PAPSS1: variants seen among roughly 807,000 people sequenced by gnomAD.
PAPSS1 encodes 3'-phosphoadenosine 5'-phosphosulfate synthase 1.
Under a neutral mutation model 72.0 loss-of-function variants are expected in PAPSS1, and 50 were observed. That is an observed-to-expected ratio of 0.69 (90% CI 0.55 to 0.88). PAPSS1 has a LOEUF of 0.88. Ranked by LOEUF, PAPSS1 falls within the 40% of genes least tolerant of loss-of-function variation. PAPSS1 has a pLI of 0.00. For missense variants in PAPSS1, 657 were observed against 782.2 expected (o/e 0.84, Z 1.91); for synonymous variants, 261 against 263.6 (o/e 0.99, Z 0.09).
chr4:107,621,936 G>A (rs544514273), intron 11 of PAPSS1, among the ~76,000 whole-genome samples: 9 of 151,952 alleles, frequency 5.9e-5, no homozygotes, highest in Non-Finnish European at 1.3e-4. Flanking sequence ...CCGGAAGACA[G>A]GTTTTTCAGA....
chr4:107,655,537 C>T (rs1726980875), intron 7 of PAPSS1, among the ~76,000 whole-genome samples: 1 of 152,246 alleles, frequency 6.6e-6, no homozygotes, highest in South Asian at 2.1e-4. Flanking sequence ...ACAGTCTCAG[C>T]ATGCAACCTT....
rs150199506 is a variant in PAPSS1 at position 107,635,066 on chromosome 4, A to G, written c.1507-3206T>C. On this transcript the variant is annotated intron_variant, in intron 10 of 11. Transcript: ENST00000265174. ...GCCCGCCTTGGCCTCCCAAAGTGCC[A>G]GGATTACAGGCGTGAGCCACCGCGC... Among the ~76,000 whole-genome samples the G allele has an allele frequency of 2.6e-3, 402 of 152,228 alleles. 1 individual carries two copies. The highest frequency in any genetic ancestry group is 8.3e-3 in the South Asian group (40 of 4,822).
Position 107,654,700 on chromosome 4 carries a change from T to C in PAPSS1, c.1096A>G (p.Ile366Val), listed in dbSNP as rs200136734. The C allele has an allele frequency of 1.9e-6, 3 of 1,612,072 alleles. No homozygotes were observed. The highest frequency in any genetic ancestry group is 4.5e-5 in the East Asian group (2 of 44,866). ...WGTTCKNHPY[I>V]KMVMEQGDWL... ...CAGCGAGGTTTTTTCAGCACCTTAA[T>C]ATAGGGGTGGTTCTTGCATGTCGTT... Residue 366 changes from isoleucine (I) to valine (V), a missense_variant, in exon 8 of 12, where the codon ATT (isoleucine) becomes GTT (valine). This residue lies in a region of PAPSS1 where 190 missense variants were observed against 176.7 expected (regional missense o/e 1.07). Coordinates refer to ENST00000265174, the MANE Select transcript of PAPSS1 (RefSeq NM_005443.5).
rs553797952 is a variant in PAPSS1, at chr4:107,705,026, AATG to A, written c.61-3744_61-3742del. On this transcript the variant is annotated intron_variant, in intron 1 of 11. Coordinates refer to ENST00000265174, the MANE Select transcript of PAPSS1 (RefSeq NM_005443.5). ...AAATAAATCCCACTTGATAAGGAGG[AATG>A]ATCCTTTAATGTGCTATATAATTCA... 4.6e-3 allele frequency among the ~76,000 whole-genome samples: 704 copies of A among 152,022 alleles called. 4 individuals are homozygous for A. The highest frequency in any genetic ancestry group is 0.016 in the African/African-American group (670 of 41,478).
intron 1 of PAPSS1, among the ~76,000 whole-genome samples, chr4:107,710,134 T>C (rs1422419310): frequency 1.3e-5 from 2 of 152,192 alleles, no homozygotes; most frequent in Non-Finnish European, 2.9e-5. Flanking sequence ...TAATGACTCA[T>C]TAAGGGTTGA....
chr4:107,680,797 G>C (rs1038843713), intron 5 of PAPSS1, among the ~76,000 whole-genome samples: 9 of 152,102 alleles, frequency 5.9e-5, no homozygotes, highest in African/African-American at 2.2e-4. Flanking sequence ...GAGTGCAGAA[G>C]TCAGTTAAAA....
intron 5 of PAPSS1, among the ~76,000 whole-genome samples, chr4:107,664,800 A>T (rs1247658746): frequency 6.6e-6 from 1 of 152,258 alleles, no homozygotes; most frequent in Non-Finnish European, 1.5e-5. Flanking sequence ...GTTATTCATA[A>T]TTGAGCATAA....
At chr4:107,677,700 G>T (rs1727692294) in intron 5 of PAPSS1, among the ~76,000 whole-genome samples, 2 of 152,120 alleles carry the variant, frequency 1.3e-5, no homozygotes, top group Admixed American at 1.3e-4. Flanking sequence ...ATACCCAAAG[G>T]ACTATAAATC....
intron 1 of PAPSS1, among the ~76,000 whole-genome samples, chr4:107,715,976 G>A (rs549035121): frequency 6.6e-6 from 1 of 152,346 alleles, no homozygotes; most frequent in South Asian, 2.1e-4. Flanking sequence ...CAGATGGTAA[G>A]TGACAAAACC....
chr4:107,683,553 G>A (rs559891952), intron 4 of PAPSS1, among the ~76,000 whole-genome samples: 1 of 152,186 alleles, frequency 6.6e-6, no homozygotes, highest in Admixed American at 6.5e-5. Context: ...ACAAGCACTG[G>A]GTTAGAAGAG....
Position 107,647,872 on chromosome 4 carries a change from A to G in PAPSS1, c.1238-2802T>C, listed in dbSNP as rs377341872. On this transcript the variant is annotated intron_variant, in intron 9 of 11. Transcript: ENST00000265174. Reference sequence around the variant, plus strand: ...ACACCTGGGTTCAATTACCGCACACATACAGATGGCTTCTCTTAGCCACAT... The same window carrying G: ...ACACCTGGGTTCAATTACCGCACACGTACAGATGGCTTCTCTTAGCCACAT... 5.9e-5 allele frequency among the ~76,000 whole-genome samples: 9 copies of G among 152,272 alleles called. 1 individual carries two copies. The highest frequency in any genetic ancestry group is 5.9e-4 in the Admixed American group (9 of 15,294).
chr4:107,715,152 C>T (rs1162305646), intron 1 of PAPSS1, among the ~76,000 whole-genome samples: 1 of 152,206 alleles, frequency 6.6e-6, no homozygotes, highest in Admixed American at 6.5e-5. Flanking sequence ...ACCACATACG[C>T]AGCTCTTGAA....
intron 11 of PAPSS1, among the ~76,000 whole-genome samples, chr4:107,621,184 CTT>C (rs1428555995): frequency 6.6e-6 from 1 of 152,110 alleles, no homozygotes; most frequent in Non-Finnish European, 1.5e-5. Context: ...AGGGGGGAGC[CTT>C]CATAAACTTC....
At chr4:107,675,470 C>T (rs1208270666) in intron 5 of PAPSS1, among the ~76,000 whole-genome samples, 2 of 152,154 alleles carry the variant, frequency 1.3e-5, no homozygotes, top group Non-Finnish European at 1.5e-5. Context: ...ATACACCCTC[C>T]CAAGACTAAA....
In PAPSS1 at chr4:107,621,608, C is replaced by CTTTTTTTTTTTTTTTTT. The variant is rs10670438; in HGVS notation, c.1737-7238_1737-7222dup. On this transcript the variant is annotated intron_variant, in intron 11 of 11. Transcript: ENST00000265174. ...CTTTCTAGGAAGACAGGTTTTTTAT[C>CTTTTTTTTTTTTTTTTT]TTTTTTTTTTTTTTTTTTTTTTTTT... 2.6e-3 allele frequency among the ~76,000 whole-genome samples: 123 copies of CTTTTTTTTTTTTTTTTT among 48,150 alleles called. 27 individuals carry two copies. The highest frequency in any genetic ancestry group is 3.0e-3 in the Non-Finnish European group (77 of 25,738). The allele number at this position is 48,150 out of a possible 152,430, so 31.6% of individuals were successfully genotyped here.
Position 107,720,186 on chromosome 4 carries a change from G to C in PAPSS1, c.-7C>G, listed in dbSNP as rs759062377. ...GGCTCCCGGGGATCTCCATGACCGC[G>C]GAGCGCGCTGAGCAGCCGGGGTTCT... On this transcript the variant is annotated 5_prime_UTR_variant, in exon 1 of 12. Transcript: ENST00000265174. 1.9e-6 allele frequency: 3 copies of C among 1,601,848 alleles called. No individual in the cohort carries two copies. Among genetic ancestry groups the C allele is most frequent in the South Asian group, 1.1e-5 (1 of 89,532 alleles).
At chr4:107,704,888 T>C (rs1578435066) in intron 1 of PAPSS1, among the ~76,000 whole-genome samples, 1 of 151,744 alleles carries the variant, frequency 6.6e-6, no homozygotes, top group Non-Finnish European at 1.5e-5. Context: ...GAGGCGGAGG[T>C]TGCAGTGAGC....
intron 9 of PAPSS1, among the ~76,000 whole-genome samples, chr4:107,649,625 C>A (rs1008588651): frequency 6.6e-6 from 1 of 152,182 alleles, no homozygotes; most frequent in African/African-American, 2.4e-5. Context: ...CACTTCAGAG[C>A]CAAACATAGA....
chr4:107,637,682 A>T (rs762764055), intron 10 of PAPSS1, among the ~76,000 whole-genome samples: 8 of 152,232 alleles, frequency 5.3e-5, no homozygotes, highest in Non-Finnish European at 7.4e-5. Context: ...ATTAAAGTCA[A>T]TATTCTATAA....
Sources: gnomAD v4.1 joint callset for allele counts (sites outside exome capture counted in the v4.1 genomes callset) on GRCh38, gnomAD v4.1.1 for gene constraint, gnomAD v4.1.1 regional missense constraint, MANE v1.5 for transcripts, NCBI Gene and HGNC (gene_info 2026-07-23, HGNC 2026-07-21) for gene names.